Variants in SYT1 observed in about 807,000 individuals in gnomAD.
The protein encoded by SYT1 is synaptotagmin-1.
Under a neutral mutation model 44.8 loss-of-function variants are expected in SYT1, and 8 were observed. The observed-to-expected ratio is 0.18, with a 90% CI of 0.10 to 0.32. The LOEUF is 0.32. SYT1 is among the 10% of genes least tolerant of loss of function. The pLI is 1.00. For synonymous variants in SYT1, 154 were observed against 188.8 expected (o/e 0.82, Z 1.51); for missense variants, 286 against 509.3 (o/e 0.56, Z 4.22).
chr12:79,145,996 A>G (rs1297207635), intron 3 of SYT1, among the ~76,000 whole-genome samples: 6 of 152,070 alleles, frequency 3.9e-5, no homozygotes, highest in Admixed American at 3.9e-4. Context: ...TGACCTCGTG[A>G]TCCGCCCGCC....
chr12:79,207,804 AGAAC>A (rs1217818736), intron 3 of SYT1, among the ~76,000 whole-genome samples: 1 of 152,198 alleles, frequency 6.6e-6, no homozygotes, highest in Admixed American at 6.5e-5. Context: ...TCCATCTTTA[AGAAC>A]GACGGCTCCT....
intron 3 of SYT1, among the ~76,000 whole-genome samples, chr12:79,182,391 C>T (rs1396762425): frequency 6.6e-6 from 1 of 151,976 alleles, no homozygotes; most frequent in African/African-American, 2.4e-5. Context: ...TGTCCCAACT[C>T]CTAAAATTAA....
chr12:79,100,382 C>A, intron 3 of SYT1, among the ~76,000 whole-genome samples: 1 of 152,118 alleles, frequency 6.6e-6, no homozygotes, highest in Non-Finnish European at 1.5e-5. Flanking sequence ...TCAGTGAAAA[C>A]TGGTCTGCTA....
intron 3 of SYT1, among the ~76,000 whole-genome samples, chr12:79,200,721 T>C (rs1266009614): frequency 6.6e-6 from 1 of 152,152 alleles, no homozygotes; most frequent in Non-Finnish European, 1.5e-5. Flanking sequence ...GGGAAAGAGA[T>C]TTGCCCAGTT....
chr12:78,928,141 G>A (rs11610135), intron 1 of SYT1, among the ~76,000 whole-genome samples: 13,063 of 152,034 alleles, frequency 0.086, 646 homozygotes, highest in East Asian at 0.18. Flanking sequence ...GGCTGACTTC[G>A]TTAGTAACTA....
chr12:79,030,667 T>G (rs1872775385), intron 2 of SYT1, among the ~76,000 whole-genome samples: 1 of 151,096 alleles, frequency 6.6e-6, no homozygotes, highest in East Asian at 1.9e-4. Flanking sequence ...TAAACAGCAT[T>G]TGGGAAAATG....
At chr12:79,333,056 A>G (rs1283266131) in intron 8 of SYT1, among the ~76,000 whole-genome samples, 1 of 152,222 alleles carries the variant, frequency 6.6e-6, no homozygotes, top group Non-Finnish European at 1.5e-5. Context: ...ACAGAGGGTT[A>G]TAATTTCCCC....
intron 1 of SYT1, among the ~76,000 whole-genome samples, chr12:78,880,078 A>G (rs776479786): frequency 1.3e-4 from 19 of 151,722 alleles, no homozygotes; most frequent in African/African-American, 4.4e-4. Context: ...GAATTTATCA[A>G]TTTATCATTA....
intron 3 of SYT1, among the ~76,000 whole-genome samples, chr12:79,081,295 T>C (rs996340567): frequency 6.6e-6 from 1 of 151,914 alleles, no homozygotes; most frequent in Non-Finnish European, 1.5e-5. Flanking sequence ...CGCTCATGTA[T>C]AAAATCTATA....
At chr12:78,947,406 TG>T (rs5799405) in intron 1 of SYT1, among the ~76,000 whole-genome samples, 23,698 of 151,944 alleles carry the variant, frequency 0.16, 2,155 homozygotes, top group East Asian at 0.31. Flanking sequence ...GCTACTGAAC[TG>T]GGGGCTCCTC....
intron 8 of SYT1, among the ~76,000 whole-genome samples, chr12:79,308,595 AAAG>A (rs1295371371): frequency 4.7e-5 from 4 of 84,498 alleles, no homozygotes; most frequent in Non-Finnish European, 9.6e-5. Context: ...AAGAAAGAAG[AAAG>A]AAAGAAAGAA....
intron 9 of SYT1, among the ~76,000 whole-genome samples, chr12:79,397,468 T>A (rs1005453992): frequency 6.6e-6 from 1 of 152,110 alleles, no homozygotes; most frequent in South Asian, 2.1e-4. Context: ...GCTCACGTGA[T>A]CCTTCCACTT....
At chr12:79,353,888 G>A (rs1883009299) in intron 9 of SYT1, among the ~76,000 whole-genome samples, 1 of 152,130 alleles carries the variant, frequency 6.6e-6, no homozygotes, top group Non-Finnish European at 1.5e-5. Context: ...AGCTGAAAAT[G>A]TTTGCTTCTT....
At chr12:79,002,055 A>C (rs1457133592) in intron 2 of SYT1, among the ~76,000 whole-genome samples, 1 of 152,152 alleles carries the variant, frequency 6.6e-6, no homozygotes, top group Non-Finnish European at 1.5e-5. Context: ...TAAAATATTT[A>C]AGGAAAAAAC....
intron 9 of SYT1, among the ~76,000 whole-genome samples, chr12:79,441,471 C>T (rs1202587840): frequency 2.0e-5 from 3 of 151,964 alleles, no homozygotes; most frequent in African/African-American, 2.4e-5. Context: ...TGCACCACCA[C>T]GCCTGGCTAA....
intron 1 of SYT1, among the ~76,000 whole-genome samples, chr12:78,888,091 G>A (rs1333168862): frequency 1.3e-5 from 2 of 151,710 alleles, no homozygotes; most frequent in South Asian, 2.1e-4. Flanking sequence ...ATAGTAATAA[G>A]GAATATAATT....
intron 1 of SYT1, among the ~76,000 whole-genome samples, chr12:78,931,465 A>AAG (rs373664075): frequency 6.9e-6 from 1 of 144,226 alleles, no homozygotes; most frequent in Non-Finnish European, 1.5e-5. Context: ...GAAAGAAAGA[A>AAG]AAAGAAAGAA....
At chr12:78,931,294 G>T (rs1425878597) in intron 1 of SYT1, among the ~76,000 whole-genome samples, 1 of 83,364 alleles carries the variant, frequency 1.2e-5, no homozygotes, top group South Asian at 6.2e-4. Flanking sequence ...AAGGAAGGAA[G>T]GAAGGAAGGA....
chr12:79,309,558 AGAT>A (rs1289091292), intron 8 of SYT1, among the ~76,000 whole-genome samples: 7 of 152,176 alleles, frequency 4.6e-5, no homozygotes, highest in Non-Finnish European at 7.4e-5. Flanking sequence ...GGGAGGCCAA[AGAT>A]TTTTAAAAGC....
Sources: gnomAD v4.1 joint callset for allele counts (sites outside exome capture counted in the v4.1 genomes callset) on GRCh38, gnomAD v4.1.1 for gene constraint, MANE v1.5 for transcripts, NCBI Gene and HGNC (gene_info 2026-07-23, HGNC 2026-07-21) for gene names.